Variants in NSUN6 observed in about 807,000 individuals in gnomAD.
The protein encoded by NSUN6 is tRNA (cytosine(72)-C(5))-methyltransferase NSUN6.
Under a neutral mutation model 58.0 loss-of-function variants are expected in NSUN6, and 64 were observed. The ratio of observed to expected loss-of-function variants is 1.10; its 90% CI spans 0.90 to 1.36. The LOEUF (loss-of-function observed/expected upper bound fraction) is 1.36. NSUN6 is among the 40% of genes most tolerant of loss of function. The pLI, the probability that NSUN6 is intolerant of heterozygous loss-of-function variation, is 0.00. For synonymous variants in NSUN6, 231 were observed against 193.9 expected (o/e 1.19, Z -1.59); for missense variants, 701 against 550.1 (o/e 1.27, Z -2.74).
Position 18,566,232 on chromosome 10 carries a change from G to A in NSUN6, c.923-14261C>T, listed in dbSNP as rs1231072340. 1.7e-4 allele frequency among the ~76,000 whole-genome samples: 17 copies of A among 101,508 alleles called. No homozygotes were observed. In the East Asian group the frequency reaches 1.9e-3, roughly 11 times the overall value. The allele number at this position is 101,508 out of a possible 152,430, so 66.6% of individuals were successfully genotyped here. On this transcript the variant is annotated intron_variant, in intron 8 of 10. Coordinates refer to ENST00000377304, the MANE Select transcript of NSUN6 (RefSeq NM_182543.5). ...TCCATTCTGTAATCCATTCCATTCCGCAATCCATTCCATTCCACATTCCAT... is the reference window on the plus strand; with the variant it reads ...TCCATTCTGTAATCCATTCCATTCCACAATCCATTCCATTCCACATTCCAT...
intron 2 of NSUN6, among the ~76,000 whole-genome samples, chr10:18,643,945 GT>G (rs949883918): frequency 2.0e-5 from 3 of 152,014 alleles, no homozygotes; most frequent in Non-Finnish European, 4.4e-5. Flanking sequence ...CATAACACAC[GT>G]TTTTTTCCAA....
intron 6 of NSUN6, among the ~76,000 whole-genome samples, chr10:18,601,882 G>A (rs1445652185): frequency 6.6e-6 from 1 of 151,444 alleles, no homozygotes; most frequent in Non-Finnish European, 1.5e-5. Context: ...GCTGAGGCAG[G>A]AGAACTGCTT....
intron 8 of NSUN6, among the ~76,000 whole-genome samples, chr10:18,585,410 C>T (rs72787960): frequency 3.3e-5 from 5 of 152,196 alleles, no homozygotes; most frequent in African/African-American, 7.2e-5. Context: ...TGGAATCCAT[C>T]AAGAAACGAA....
At chr10:18,652,642 C>T, upstream of NSUN6, 3 of 818,602 alleles carry the variant, frequency 3.7e-6, no homozygotes, top group Non-Finnish European at 4.4e-6. Flanking sequence ...CTCACTGCAA[C>T]CTCCACCTCC....
In NSUN6 at chr10:18,569,406, A is replaced by C. The variant is rs189064660; in HGVS notation, c.922+16543T>G. Among the ~76,000 whole-genome samples, 270 of 148,788 alleles carry C rather than the reference A, an allele frequency of 1.8e-3. 2 individuals are homozygous for C. The highest frequency in any genetic ancestry group is 3.3e-3 in the Non-Finnish European group (220 of 67,060). On this transcript the variant is annotated intron_variant, in intron 8 of 10. Coordinates refer to ENST00000377304, the MANE Select transcript of NSUN6 (RefSeq NM_182543.5). The stretch of plus-strand genomic sequence containing the variant: ...CATTTTCCATTCCATTCTCCCTTCC[A>C]TTCCATTGCCCATTCCATTCTCAAT...
At chr10:18,580,578 G>C (rs1026969837) in intron 8 of NSUN6, among the ~76,000 whole-genome samples, 9 of 152,142 alleles carry the variant, frequency 5.9e-5, no homozygotes, top group Non-Finnish European at 1.3e-4. Flanking sequence ...TAGGCTAAGA[G>C]TATTTAACCC....
Position 18,651,167 on chromosome 10 carries a change from C to T in NSUN6, c.37G>A (p.Val13Ile). ...IFPKISLRPE[V>I]ENYLKEGFMN... The stretch of plus-strand genomic sequence containing the variant: ...AAGCCTTCCTTAAGATAGTTTTCAA[C>T]CTCAGGTCTCAAAGATATCTTAGGG... Residue 13 changes from valine to isoleucine, a missense_variant, in exon 1 of 11, where the codon GTT becomes ATT. Transcript: ENST00000377304. 6.3e-7 allele frequency: 1 copy of T among 1,581,204 alleles called. No individual in the cohort carries two copies.
Position 18,585,531 on chromosome 10 carries a change from T to A in NSUN6, c.922+418A>T, listed in dbSNP as rs141227480. 1.4e-3 allele frequency among the ~76,000 whole-genome samples: 209 copies of A among 152,324 alleles called. 1 individual carries two copies. The highest frequency in any genetic ancestry group is 4.8e-3 in the African/African-American group (198 of 41,564). ...TAGATGAACCTGGAAGACATCATAT[T>A]ATGCTAAGTGAAATAAGCCAGGCAG... On this transcript the variant is annotated intron_variant, in intron 8 of 10. Coordinates refer to ENST00000377304, the MANE Select transcript of NSUN6 (RefSeq NM_182543.5).
chr10:18,595,404 A>G (rs2057547279), intron 7 of NSUN6, among the ~76,000 whole-genome samples: 1 of 152,258 alleles, frequency 6.6e-6, no homozygotes, highest in Admixed American at 6.5e-5. Flanking sequence ...CCATAATTTA[A>G]TGGAGAATTA....
intron 3 of NSUN6, among the ~76,000 whole-genome samples, chr10:18,618,203 T>C (rs1007881846): frequency 6.6e-6 from 1 of 152,192 alleles, no homozygotes; most frequent in African/African-American, 2.4e-5. Flanking sequence ...TGGTTTCAGA[T>C]TTTCTCTGTC....
At chr10:18,617,363 T>C (rs879501615) in intron 3 of NSUN6, among the ~76,000 whole-genome samples, 4 of 152,024 alleles carry the variant, frequency 2.6e-5, no homozygotes, top group Non-Finnish European at 5.9e-5. Flanking sequence ...AACTTGTGTA[T>C]TTTTAGTAGT....
At chr10:18,589,907 A>G (rs572552602) in intron 7 of NSUN6, among the ~76,000 whole-genome samples, 52 of 152,322 alleles carry the variant, frequency 3.4e-4, no homozygotes, top group Non-Finnish European at 4.7e-4. Flanking sequence ...CACACCTAAC[A>G]ATATTAACTT....
intron 3 of NSUN6, among the ~76,000 whole-genome samples, chr10:18,625,771 A>G (rs762252682): frequency 3.3e-5 from 5 of 150,702 alleles, no homozygotes; most frequent in Non-Finnish European, 7.4e-5. Context: ...AGAGGAAATA[A>G]TCAAAATCAA....
chr10:18,585,910 G>A (rs1589961969), intron 8 of NSUN6, 39 bp downstream of exon 8: 1 of 1,470,694 alleles, frequency 6.8e-7, no homozygotes. Context: ...ACAAATATAT[G>A]ATCTGTCAAT....
chr10:18,632,516 G>C (rs1052690636), intron 3 of NSUN6, among the ~76,000 whole-genome samples: 4 of 149,722 alleles, frequency 2.7e-5, no homozygotes, highest in Non-Finnish European at 5.9e-5. Flanking sequence ...TCTGACAAAG[G>C]GCTAATATCC....
At chr10:18,583,915 G>A (rs531873008) in intron 8 of NSUN6, among the ~76,000 whole-genome samples, 23 of 152,082 alleles carry the variant, frequency 1.5e-4, no homozygotes, top group Admixed American at 1.2e-3. Context: ...CCTATTCCCC[G>A]TTTGTTTCCT....
chr10:18,549,824 T>A (rs2133389760), intron 9 of NSUN6, among the ~76,000 whole-genome samples: 1 of 152,348 alleles, frequency 6.6e-6, no homozygotes, highest in South Asian at 2.1e-4. Flanking sequence ...TGATCAAAAT[T>A]TAAACTTTGT....
At chr10:18,627,052 T>C (rs2058837005) in intron 3 of NSUN6, among the ~76,000 whole-genome samples, 2 of 152,218 alleles carry the variant, frequency 1.3e-5, no homozygotes, top group Admixed American at 6.5e-5. Flanking sequence ...GGTTGAGATG[T>C]TTTAAAGGCT....
intron 3 of NSUN6, among the ~76,000 whole-genome samples, chr10:18,620,299 G>A (rs945325948): frequency 6.6e-6 from 1 of 152,078 alleles, no homozygotes; most frequent in Non-Finnish European, 1.5e-5. Flanking sequence ...GTGTTAGCCA[G>A]GATAGTCTCG....
Sources: gnomAD v4.1 joint callset for allele counts (sites outside exome capture counted in the v4.1 genomes callset) on GRCh38, gnomAD v4.1.1 for gene constraint, MANE v1.5 for transcripts, NCBI Gene and HGNC (gene_info 2026-07-23, HGNC 2026-07-21) for gene names.